Variants in CTNNA3 observed in about 807,000 individuals in gnomAD.
The protein encoded by CTNNA3 is catenin alpha 3.
CTNNA3 carries 76 observed loss-of-function variants against 95.7 expected under a neutral mutation model. The ratio of observed to expected loss-of-function variants is 0.79; its 90% CI spans 0.66 to 0.96. The LOEUF is 0.96. Among genes scored for constraint, CTNNA3 ranks in the 40% least tolerant of loss-of-function variants. The pLI is 0.00. For synonymous variants in CTNNA3, 431 were observed against 374.4 expected (o/e 1.15, Z -1.74); for missense variants, 1,191 against 1,089.8 (o/e 1.09, Z -1.31).
chr10:66,148,723 A>AATAC (rs2084026860), intron 13 of CTNNA3, among the ~76,000 whole-genome samples: 2 of 151,708 alleles, frequency 1.3e-5, no homozygotes, highest in African/African-American at 2.4e-5. Context: ...GAAATAAATA[A>AATAC]ATAAATTATC....
chr10:66,845,404 A>G (rs1589323593), intron 7 of CTNNA3, among the ~76,000 whole-genome samples: 2 of 152,266 alleles, frequency 1.3e-5, no homozygotes, highest in South Asian at 2.1e-4. Context: ...AAACTGATAC[A>G]TAAAAATGTG....
At chr10:66,803,761 T>C (rs1841527612) in intron 7 of CTNNA3, among the ~76,000 whole-genome samples, 1 of 152,098 alleles carries the variant, frequency 6.6e-6, no homozygotes, top group Non-Finnish European at 1.5e-5. Flanking sequence ...AAGTTAATTT[T>C]AAGCTTTTAA....
rs542324029 is a variant in CTNNA3 at position 66,158,464 on chromosome 10, T to C, written c.1885-55215A>G. Among the ~76,000 whole-genome samples the C allele has an allele frequency of 2.5e-3, 377 of 151,800 alleles. 2 individuals are homozygous for C. The highest frequency in any genetic ancestry group is 8.4e-3 in the African/African-American group (347 of 41,508). ...TTTGTCAAAGATCAGTTGGCTGTATTTGGGTTTATTTCTGGGTTCTCTATT... is the reference window on the plus strand; with the variant it reads ...TTTGTCAAAGATCAGTTGGCTGTATCTGGGTTTATTTCTGGGTTCTCTATT... On this transcript the variant is annotated intron_variant, in intron 13 of 17. Transcript: ENST00000433211.
intron 17 of CTNNA3, among the ~76,000 whole-genome samples, chr10:65,954,731 G>C (rs958655701): frequency 5.3e-5 from 8 of 152,132 alleles, no homozygotes; most frequent in African/African-American, 1.9e-4. Context: ...GCTCTGTTCT[G>C]TTCCATTGGT....
chr10:67,628,292 G>T (rs143463938), intron 2 of CTNNA3, among the ~76,000 whole-genome samples: 2 of 149,496 alleles, frequency 1.3e-5, no homozygotes, highest in African/African-American at 4.9e-5. Context: ...TGTGCCTCAT[G>T]CTATCTTAAT....
intron 13 of CTNNA3, among the ~76,000 whole-genome samples, chr10:66,191,822 A>G (rs1314389631): frequency 6.6e-6 from 1 of 152,146 alleles, no homozygotes; most frequent in African/African-American, 2.4e-5. Flanking sequence ...TGTTTTGGAA[A>G]ATTAATCCCC....
At chr10:66,976,693 T>C (rs1850052426) in intron 7 of CTNNA3, among the ~76,000 whole-genome samples, 1 of 152,236 alleles carries the variant, frequency 6.6e-6, no homozygotes, top group Admixed American at 6.5e-5. Flanking sequence ...CACTGATCTA[T>C]TTACTTTCTT....
At chr10:65,970,770 G>A (rs1166085519) in intron 16 of CTNNA3, among the ~76,000 whole-genome samples, 1 of 149,274 alleles carries the variant, frequency 6.7e-6, no homozygotes, top group Non-Finnish European at 1.5e-5. Flanking sequence ...CAGTAATAAA[G>A]GACAAAGAAG....
At chr10:66,546,031 C>T (rs1236528028) in intron 10 of CTNNA3, among the ~76,000 whole-genome samples, 4 of 151,060 alleles carry the variant, frequency 2.6e-5, no homozygotes, top group African/African-American at 9.7e-5. Flanking sequence ...TATATTTTTC[C>T]ATGTGAAGGC....
chr10:66,146,183 T>C (rs1446777445), intron 13 of CTNNA3, among the ~76,000 whole-genome samples: 1 of 152,130 alleles, frequency 6.6e-6, no homozygotes, highest in Non-Finnish European at 1.5e-5. Flanking sequence ...AGCTTTATAC[T>C]ATGAGGTGAA....
chr10:66,398,129 TTC>T (rs927627529), intron 11 of CTNNA3, among the ~76,000 whole-genome samples: 3 of 151,954 alleles, frequency 2.0e-5, no homozygotes, highest in Non-Finnish European at 4.4e-5. Flanking sequence ...ATTGTTTATA[TTC>T]TCTTTCTTTT....
chr10:67,702,125 G>A (rs967727099), intron 1 of CTNNA3, among the ~76,000 whole-genome samples: 3 of 152,122 alleles, frequency 2.0e-5, no homozygotes, highest in Non-Finnish European at 2.9e-5. Flanking sequence ...GATTCATAAA[G>A]CAAGTCCTGA....
intron 5 of CTNNA3, among the ~76,000 whole-genome samples, chr10:67,427,326 C>T (rs1401296734): frequency 6.6e-6 from 1 of 151,882 alleles, no homozygotes; most frequent in African/African-American, 2.4e-5. Flanking sequence ...CAAATAAGTT[C>T]CTATATTCCT....
intron 12 of CTNNA3, among the ~76,000 whole-genome samples, chr10:66,299,060 G>A (rs2091824216): frequency 6.6e-6 from 1 of 152,158 alleles, no homozygotes; most frequent in Non-Finnish European, 1.5e-5. Flanking sequence ...TCTCTTATCT[G>A]CCTATGACCT....
intron 7 of CTNNA3, among the ~76,000 whole-genome samples, chr10:66,857,568 T>C (rs1425170659): frequency 1.3e-5 from 2 of 152,110 alleles, no homozygotes; most frequent in Non-Finnish European, 2.9e-5. Flanking sequence ...TTTGCTTATG[T>C]CATCTTTGAT....
intron 12 of CTNNA3, among the ~76,000 whole-genome samples, chr10:66,375,021 C>T (rs1315355912): frequency 2.6e-5 from 4 of 151,726 alleles, no homozygotes; most frequent in Non-Finnish European, 5.9e-5. Flanking sequence ...CTACAGTGCA[C>T]GAGAACAGAA....
intron 7 of CTNNA3, among the ~76,000 whole-genome samples, chr10:66,905,404 C>G (rs534208135): frequency 6.6e-6 from 1 of 151,940 alleles, no homozygotes; most frequent in African/African-American, 2.4e-5. Flanking sequence ...TAGCATTAGG[C>G]GAAATACCGA....
intron 5 of CTNNA3, among the ~76,000 whole-genome samples, chr10:67,341,640 A>T (rs1842195252): frequency 6.6e-6 from 1 of 152,216 alleles, no homozygotes; most frequent in African/African-American, 2.4e-5. Flanking sequence ...TATTGTGAAC[A>T]GTATTGCAAC....
At chr10:67,060,787 T>C (rs1855713051) in intron 7 of CTNNA3, among the ~76,000 whole-genome samples, 1 of 152,198 alleles carries the variant, frequency 6.6e-6, no homozygotes, top group Admixed American at 6.5e-5. Flanking sequence ...CTATGGTCCT[T>C]AAAACTAGGT....
Sources: allele counts gnomAD v4.1 joint callset (sites outside exome capture counted in the v4.1 genomes callset), GRCh38; gene constraint gnomAD v4.1.1; transcripts MANE v1.5; gene names NCBI Gene and HGNC (gene_info 2026-07-23, HGNC 2026-07-21).